Variants in DCC observed in about 807,000 individuals in gnomAD.
DCC encodes netrin receptor DCC.
Under a neutral mutation model 172.5 loss-of-function variants are expected in DCC, and 58 were observed. The ratio of observed to expected loss-of-function variants is 0.34; its 90% CI spans 0.27 to 0.42. The LOEUF (loss-of-function observed/expected upper bound fraction) is 0.42, where lower values mean the gene tolerates loss of function less well. Ranked by LOEUF, DCC falls within the 10% of genes least tolerant of loss-of-function variation. The probability of loss-of-function intolerance (pLI) is 1.00; values close to 1 mark genes in which losing one functional copy is unlikely to be tolerated. For synonymous variants in DCC, 709 were observed against 644.5 expected (o/e 1.10, Z -1.52); for missense variants, 1,740 against 1,791.0 (o/e 0.97, Z 0.51).
chr18:52,777,451 C>G (rs1006456484), intron 2 of DCC, among the ~76,000 whole-genome samples: 1 of 151,672 alleles, frequency 6.6e-6, no homozygotes, highest in African/African-American at 2.4e-5. Context: ...TCTGTATGTC[C>G]ATCTCAAAAT....
intron 2 of DCC, among the ~76,000 whole-genome samples, chr18:52,790,624 C>G (rs568065386): frequency 6.6e-6 from 1 of 152,286 alleles, no homozygotes; most frequent in South Asian, 2.1e-4. Flanking sequence ...CCACACCATA[C>G]AAAAGTCTGG....
chr18:52,666,186 G>A (rs182436778), intron 1 of DCC, among the ~76,000 whole-genome samples: 84 of 152,152 alleles, frequency 5.5e-4, no homozygotes, highest in African/African-American at 1.4e-3. Flanking sequence ...GCAGCTACTC[G>A]GTGGAGCTGA....
chr18:52,612,707 ATGCTC>A (rs1475719204), intron 1 of DCC, among the ~76,000 whole-genome samples: 2 of 152,132 alleles, frequency 1.3e-5, no homozygotes, highest in Non-Finnish European at 2.9e-5. Context: ...CTTGTATTGT[ATGCTC>A]TGCATTTACT....
chr18:53,129,937 A>T (rs79652155), intron 7 of DCC, among the ~76,000 whole-genome samples: 1 of 152,246 alleles, frequency 6.6e-6, no homozygotes, highest in East Asian at 1.9e-4. Context: ...CTACAACATA[A>T]CTAAAATAAA....
intron 1 of DCC, among the ~76,000 whole-genome samples, chr18:52,597,116 A>C (rs992879713): frequency 1.8e-4 from 28 of 152,022 alleles, no homozygotes; most frequent in African/African-American, 6.8e-4. Flanking sequence ...TATTTTTGCC[A>C]GAAAAGTCAA....
At chr18:53,135,799 C>T (rs1218651293) in intron 7 of DCC, among the ~76,000 whole-genome samples, 2 of 152,124 alleles carry the variant, frequency 1.3e-5, no homozygotes, top group African/African-American at 4.8e-5. Context: ...TTGAATCACC[C>T]TCAATCTACA....
intron 12 of DCC, among the ~76,000 whole-genome samples, chr18:53,223,252 A>T (rs1247941703): frequency 1.3e-5 from 2 of 152,122 alleles, no homozygotes; most frequent in East Asian, 3.8e-4. Context: ...TGAGAATGTT[A>T]TATTTTTGTC....
In DCC at chr18:52,680,928, G is replaced by T. The variant is rs375287103; in HGVS notation, c.92-71126G>T. On this transcript the variant is annotated intron_variant, in intron 1 of 28. Transcript: ENST00000442544. Reference sequence around the variant, plus strand: ...TGATTTTGTTGGTTAAAACGCAGAAGAAAAATACTGGTTAGTTTTTACATG... The same window carrying T: ...TGATTTTGTTGGTTAAAACGCAGAATAAAAATACTGGTTAGTTTTTACATG... 5.3e-5 allele frequency among the ~76,000 whole-genome samples: 8 copies of T among 152,142 alleles called. No individual in the cohort carries two copies. The East Asian group carries it at 7.7e-4, about 15-fold the overall frequency.
intron 22 of DCC, among the ~76,000 whole-genome samples, chr18:53,440,145 T>A (rs1318241711): frequency 6.6e-6 from 1 of 152,198 alleles, no homozygotes. Flanking sequence ...TATCTGGAAA[T>A]GTGTTTTGTA....
chr18:52,469,638 C>T (rs1988889734), intron 1 of DCC, among the ~76,000 whole-genome samples: 1 of 152,150 alleles, frequency 6.6e-6, no homozygotes, highest in African/African-American at 2.4e-5. Context: ...ATTGGGTGCC[C>T]ACCTGACTTA....
intron 1 of DCC, among the ~76,000 whole-genome samples, chr18:52,372,821 C>T (rs1018284192): frequency 6.6e-5 from 10 of 152,104 alleles, no homozygotes; most frequent in East Asian, 1.9e-4. Context: ...TTGTATACCT[C>T]GGGGCAGCTT....
At chr18:52,539,508 G>C (rs1356888041) in intron 1 of DCC, among the ~76,000 whole-genome samples, 1 of 152,168 alleles carries the variant, frequency 6.6e-6, no homozygotes, top group African/African-American at 2.4e-5. Context: ...GATTCTCATA[G>C]GAGTACAACC....
intron 12 of DCC, among the ~76,000 whole-genome samples, chr18:53,260,667 G>A (rs890651656): frequency 3.2e-4 from 49 of 152,188 alleles, no homozygotes; most frequent in African/African-American, 1.2e-3. Context: ...CACTTGAGGA[G>A]GCAGCCTGTC....
intron 7 of DCC, among the ~76,000 whole-genome samples, chr18:53,106,852 A>G (rs1443142489): frequency 6.6e-6 from 1 of 151,970 alleles, no homozygotes; most frequent in Non-Finnish European, 1.5e-5. Flanking sequence ...ATCATGGGGT[A>G]GATGTGCTCT....
chr18:53,465,521 T>C (rs922815791), intron 24 of DCC, among the ~76,000 whole-genome samples: 6 of 152,272 alleles, frequency 3.9e-5, no homozygotes, highest in African/African-American at 1.4e-4. Context: ...TTCTTGTCTG[T>C]AGTTTTAAGA....
intron 12 of DCC, among the ~76,000 whole-genome samples, chr18:53,288,953 A>G (rs1408843764): frequency 6.6e-6 from 1 of 152,072 alleles, no homozygotes; most frequent in Non-Finnish European, 1.5e-5. Flanking sequence ...CATTCTGCAG[A>G]TGGTTGTGTG....
At chr18:52,458,521 CAG>C (rs1192342362) in intron 1 of DCC, among the ~76,000 whole-genome samples, 2 of 152,150 alleles carry the variant, frequency 1.3e-5, no homozygotes, top group African/African-American at 4.8e-5. Context: ...ATCAGAGAAA[CAG>C]AGAATGCCTA....
intron 19 of DCC, among the ~76,000 whole-genome samples, chr18:53,404,140 T>G (rs528510864): frequency 1.1e-4 from 16 of 152,304 alleles, no homozygotes; most frequent in African/African-American, 3.8e-4. Context: ...AGCTTTTGAT[T>G]TGTTTATATT....
chr18:53,142,837 C>A (rs1041472924), intron 7 of DCC, among the ~76,000 whole-genome samples: 1 of 152,158 alleles, frequency 6.6e-6, no homozygotes, highest in Admixed American at 6.5e-5. Context: ...ATCAAGGGAA[C>A]CTCCTTGCAT....
Sources: allele counts gnomAD v4.1 joint callset (sites outside exome capture counted in the v4.1 genomes callset), GRCh38; gene constraint gnomAD v4.1.1; transcripts MANE v1.5; gene names NCBI Gene and HGNC (gene_info 2026-07-23, HGNC 2026-07-21).